PCSK5: variants seen among roughly 807,000 people sequenced by gnomAD.
The protein encoded by PCSK5 is prohormone convertase 5.
A neutral mutation model predicts 233.2 loss-of-function variants in PCSK5; 129 were observed. That is an observed-to-expected ratio of 0.55 (90% CI 0.48 to 0.64). The LOEUF (loss-of-function observed/expected upper bound fraction) is 0.64. Ranked by LOEUF, PCSK5 falls within the 30% of genes least tolerant of loss-of-function variation. The pLI is 0.00. For synonymous variants in PCSK5, 825 were observed against 879.2 expected, an observed-to-expected ratio of 0.94 and a Z score of 1.09; for missense variants, 2,076 against 2,430.1, an observed-to-expected ratio of 0.85 and a Z score of 3.06.
intron 28 of PCSK5, among the ~76,000 whole-genome samples, chr9:76,308,382 A>ATACCACATTCCTTGTGG: frequency 6.6e-6 from 1 of 152,272 alleles, no homozygotes; most frequent in East Asian, 1.9e-4. Context: ...ATCTTGTAGA[A>ATACCACATTCCTTGTGG]TACCACATTC....
chr9:76,352,128 G>A (rs1830182561), intron 36 of PCSK5, among the ~76,000 whole-genome samples: 1 of 152,200 alleles, frequency 6.6e-6, no homozygotes, highest in Non-Finnish European at 1.5e-5. Context: ...AGCTGTGAGG[G>A]CTGCTGCTTG....
At chr9:76,198,154 C>T (rs534638293) in intron 20 of PCSK5, among the ~76,000 whole-genome samples, 80 of 152,282 alleles carry the variant, frequency 5.3e-4, no homozygotes, top group African/African-American at 1.9e-3. Flanking sequence ...TTCTCTACCT[C>T]CAAGGGACTT....
intron 24 of PCSK5, among the ~76,000 whole-genome samples, chr9:76,253,234 C>CTCT (rs978029244): frequency 2.6e-5 from 4 of 151,500 alleles, no homozygotes; most frequent in Non-Finnish European, 5.9e-5. Flanking sequence ...TTCAGGATGC[C>CTCT]TCTTCTTCTT....
At chr9:76,290,900 T>C (rs1041419924) in intron 24 of PCSK5, among the ~76,000 whole-genome samples, 5 of 152,222 alleles carry the variant, frequency 3.3e-5, no homozygotes, top group Admixed American at 2.0e-4. Flanking sequence ...TCCAGAAGTC[T>C]TAACAACCAT....
chr9:76,216,721 G>A (rs367619507), intron 20 of PCSK5, among the ~76,000 whole-genome samples: 33 of 152,294 alleles, frequency 2.2e-4, no homozygotes, highest in South Asian at 1.9e-3. Flanking sequence ...ACCATGCCTG[G>A]TTGACTTCTT....
intron 9 of PCSK5, among the ~76,000 whole-genome samples, chr9:76,121,028 C>T (rs1165891638): frequency 2.6e-5 from 4 of 152,108 alleles, no homozygotes; most frequent in Admixed American, 1.3e-4. Flanking sequence ...ATTTCTATTA[C>T]ATTAACCCTT....
intron 1 of PCSK5, among the ~76,000 whole-genome samples, chr9:75,910,476 C>G (rs1822675297): frequency 1.3e-5 from 2 of 152,138 alleles, no homozygotes; most frequent in African/African-American, 2.4e-5. Context: ...CTTCTTTGTC[C>G]TCACATTATT....
At position 76,188,459 on chromosome 9, in the gene PCSK5, T is replaced by C. The variant is rs188825984; in HGVS notation, c.2283-119T>C. The C allele has an allele frequency of 1.8e-5, 12 of 654,480 alleles. No individual in the cohort carries two copies. In the East Asian group the frequency reaches 3.3e-4, roughly 18 times the overall value. 40.5% of individuals were successfully genotyped at this position (654,480 alleles called of 1,614,324 possible). A position where few individuals can be genotyped will look rare whatever the true frequency, so the allele number is the denominator to read the frequency against. On this transcript the variant is annotated intron_variant, in intron 17 of 37. Transcript: ENST00000674117. Reference sequence around the variant, plus strand: ...GGGCTATTTCCCCGGCTTTGAAGCTTTGCCAAATCCACTGGCCTCTGAGGG... The same window carrying C: ...GGGCTATTTCCCCGGCTTTGAAGCTCTGCCAAATCCACTGGCCTCTGAGGG...
At chr9:75,998,078 C>T (rs939101308) in intron 3 of PCSK5, among the ~76,000 whole-genome samples, 2 of 152,108 alleles carry the variant, frequency 1.3e-5, no homozygotes, top group Admixed American at 1.3e-4. Flanking sequence ...GCATGGTGTC[C>T]TGAAACTTAG....
At chr9:75,962,129 G>T (rs1825379106) in intron 2 of PCSK5, among the ~76,000 whole-genome samples, 1 of 14,814 alleles carries the variant, frequency 6.8e-5, no homozygotes, top group Admixed American at 7.6e-4. Flanking sequence ...AAGTAACTGG[G>T]GGAGGGGGCC....
At chr9:76,054,144 A>T (rs1829738081) in intron 5 of PCSK5, among the ~76,000 whole-genome samples, 2 of 151,944 alleles carry the variant, frequency 1.3e-5, no homozygotes, top group South Asian at 4.2e-4. Flanking sequence ...CATGGGAAAA[A>T]CCCACCCCCA....
intron 2 of PCSK5, among the ~76,000 whole-genome samples, chr9:75,974,138 C>T (rs1334941972): frequency 2.0e-5 from 3 of 152,268 alleles, no homozygotes; most frequent in East Asian, 1.9e-4. Context: ...GCATGGATTA[C>T]GTGTTCAGGG....
At chr9:76,234,883 T>C (rs1826201324) in intron 22 of PCSK5, among the ~76,000 whole-genome samples, 1 of 152,218 alleles carries the variant, frequency 6.6e-6, no homozygotes, top group African/African-American at 2.4e-5. Context: ...TTTGAGATGT[T>C]TCCTCTTCTC....
At chr9:76,087,505 A>G (rs757089990) in intron 7 of PCSK5, among the ~76,000 whole-genome samples, 3 of 152,204 alleles carry the variant, frequency 2.0e-5, no homozygotes, top group Non-Finnish European at 4.4e-5. Flanking sequence ...CTCTCCATTC[A>G]TGGACTAGGA....
chr9:76,197,093 G>A (rs1363671159), intron 20 of PCSK5, among the ~76,000 whole-genome samples: 1 of 152,184 alleles, frequency 6.6e-6, no homozygotes, highest in East Asian at 1.9e-4. Context: ...CAATGAACTT[G>A]CTCCAGTTAC....
chr9:76,184,802 T>C, intron 17 of PCSK5, 45 bp downstream of exon 17: 2 of 1,118,518 alleles, frequency 1.8e-6, no homozygotes. Context: ...CCCAAAGAGC[T>C]TCTCAATGTA....
intron 2 of PCSK5, among the ~76,000 whole-genome samples, chr9:75,970,876 G>A (rs771246844): frequency 6.6e-5 from 10 of 152,020 alleles, no homozygotes; most frequent in East Asian, 5.8e-4. Context: ...TGCCCACCTC[G>A]GCCTCCCAAA....
At chr9:76,273,564 AATATATATATAC>A (rs1449301638) in intron 24 of PCSK5, among the ~76,000 whole-genome samples, 8 of 74,854 alleles carry the variant, frequency 1.1e-4, no homozygotes, top group Admixed American at 5.4e-4. Context: ...ACAAAATAGT[AATATATATATAC>A]ATATATATAT....
intron 5 of PCSK5, among the ~76,000 whole-genome samples, chr9:76,066,783 T>C (rs1830303183): frequency 6.6e-6 from 1 of 152,218 alleles, no homozygotes; most frequent in Non-Finnish European, 1.5e-5. Flanking sequence ...TTGATTATAG[T>C]TGCACAGAGA....
Sources: gnomAD v4.1 joint callset for allele counts (sites outside exome capture counted in the v4.1 genomes callset) on GRCh38, gnomAD v4.1.1 for gene constraint, MANE v1.5 for transcripts, NCBI Gene and HGNC (gene_info 2026-07-23, HGNC 2026-07-21) for gene names.